AFF3: variants seen among roughly 807,000 people sequenced by gnomAD.
The protein encoded by AFF3 is AF4/FMR2 family member 3.
In AFF3, 32 loss-of-function variants were observed where a neutral mutation model predicts 129.7. The ratio of observed to expected loss-of-function variants is 0.25; its 90% CI spans 0.19 to 0.33. The LOEUF is 0.33. AFF3 is among the 10% of genes least tolerant of loss of function. The pLI is 1.00. For synonymous variants in AFF3, 644 were observed against 635.4 expected (o/e 1.01, Z -0.20); for missense variants, 1,373 against 1,592.0 (o/e 0.86, Z 2.34).
intron 13 of AFF3, among the ~76,000 whole-genome samples, chr2:99,623,156 T>A (rs1682203740): frequency 6.6e-6 from 1 of 150,806 alleles, no homozygotes; most frequent in East Asian, 1.9e-4. Flanking sequence ...TGGTTCTTTT[T>A]TTTTTTTTTT....
intron 11 of AFF3, among the ~76,000 whole-genome samples, chr2:99,689,218 A>G (rs891617728): frequency 4.0e-5 from 6 of 148,942 alleles, no homozygotes; most frequent in East Asian, 2.0e-4. Context: ...CAGTCCCCCT[A>G]TGATTTAAAT....
intron 12 of AFF3, among the ~76,000 whole-genome samples, chr2:99,655,213 TACACACACACACACACACACAC>T (rs59646108): frequency 7.1e-4 from 93 of 130,360 alleles, no homozygotes; most frequent in African/African-American, 2.2e-3. Context: ...CATGAAAAGC[TACACACACACACACACACACAC>T]ACACACACAC....
At chr2:99,947,649 T>C (rs797011501) in intron 7 of AFF3, among the ~76,000 whole-genome samples, 29,175 of 118,286 alleles carry the variant, frequency 0.25, 3,768 homozygotes, top group African/African-American at 0.4. Context: ...GATAGATAGA[T>C]AGATAGACAG....
intron 8 of AFF3, among the ~76,000 whole-genome samples, chr2:99,792,079 G>A (rs1685235774): frequency 6.6e-6 from 1 of 152,124 alleles, no homozygotes; most frequent in Admixed American, 6.5e-5. Flanking sequence ...CTGATTGGCT[G>A]ATGTGTGATC....
Position 99,550,260 on chromosome 2 carries a change from G to A in AFF3, c.*1214C>T, listed in dbSNP as rs1371130446. On this transcript the variant is annotated 3_prime_UTR_variant, in exon 25 of 25. Transcript: ENST00000672756. Reference sequence around the variant, plus strand: ...CCAGACACACAGGACACAGGAAGAGGCTCTGGTTGCTGCTGCCCCAGAAAG... The same window carrying A: ...CCAGACACACAGGACACAGGAAGAGACTCTGGTTGCTGCTGCCCCAGAAAG... 2.2e-5 allele frequency: 5 copies of A among 231,086 alleles called. No individual in the cohort carries two copies. Among genetic ancestry groups the A allele is most frequent in the Non-Finnish European group, 4.3e-5 (5 of 116,712 alleles). 14.3% of individuals were successfully genotyped at this position (231,086 alleles called of 1,614,324 possible).
chr2:100,136,159 G>A (rs1354890557), intron 1 of AFF3, among the ~76,000 whole-genome samples: 3 of 152,226 alleles, frequency 2.0e-5, no homozygotes. Context: ...AGTGTTGTGC[G>A]AGAGCTGGGT....
chr2:99,630,988 T>C, intron 13 of AFF3: 1 of 461,054 alleles, frequency 2.2e-6, no homozygotes, highest in Non-Finnish European at 4.5e-6. Flanking sequence ...AGGAGGGCAT[T>C]TCAGAAGGAA....
chr2:100,007,512 G>A (rs766352229), intron 5 of AFF3, 52 bp from the exon 6 acceptor site: 127 of 1,508,872 alleles, frequency 8.4e-5, no homozygotes, highest in Non-Finnish European at 1.1e-4. Context: ...CAGAAACACC[G>A]GAGATAATCA....
rs1475969366 is a variant in AFF3, at chr2:99,966,606, C to T, written c.873+40026G>A. On this transcript the variant is annotated intron_variant, in intron 7 of 24. Coordinates refer to ENST00000672756, the MANE Select transcript of AFF3 (RefSeq NM_001386135.1). The stretch of plus-strand genomic sequence containing the variant: ...TTGGGAGGCTGAGGCAGGAGAATGG[C>T]GTGAACCCGGGAGGCGGAGCTTGCA... Among the ~76,000 whole-genome samples the T allele has an allele frequency of 9.2e-5, 12 of 130,372 alleles. 1 individual carries two copies. The South Asian group carries it at 1.1e-3, about 12-fold the overall frequency. 85.5% of individuals were successfully genotyped at this position (130,372 alleles called of 152,430 possible).
chr2:99,871,327 C>T (rs970086548), intron 7 of AFF3, among the ~76,000 whole-genome samples: 4 of 152,168 alleles, frequency 2.6e-5, no homozygotes, highest in Admixed American at 1.3e-4. Flanking sequence ...AGCAAAGTGC[C>T]TGGCATCTAC....
chr2:99,773,544 T>C (rs922531521), intron 8 of AFF3, among the ~76,000 whole-genome samples: 1 of 119,800 alleles, frequency 8.3e-6, no homozygotes, highest in African/African-American at 3.3e-5. Context: ...GTGGTGGGGG[T>C]GGAGGTTGGT....
chr2:99,980,532 G>T (rs1679310661), intron 7 of AFF3, among the ~76,000 whole-genome samples: 1 of 152,210 alleles, frequency 6.6e-6, no homozygotes, highest in Non-Finnish European at 1.5e-5. Flanking sequence ...TTGATTTGTG[G>T]CAACTGCTTT....
At chr2:99,832,855 G>T (rs1688605050) in intron 8 of AFF3, among the ~76,000 whole-genome samples, 1 of 152,094 alleles carries the variant, frequency 6.6e-6, no homozygotes, top group Admixed American at 6.6e-5. Flanking sequence ...GTTACACCTG[G>T]ATTGATTTTG....
rs565417705 is a variant in AFF3, at chr2:99,674,493, AG to A, written c.1092-1905del. On this transcript the variant is annotated intron_variant, in intron 11 of 24. Coordinates refer to ENST00000672756, the MANE Select transcript of AFF3 (RefSeq NM_001386135.1). ...AGATTTCTTCCTAATGAAAAAGACC[AG>A]AGAAGGGGACAGGTCCTTGCCTCCA... Among the ~76,000 whole-genome samples the A allele has an allele frequency of 9.4e-4, 143 of 152,284 alleles. 1 individual carries two copies. Among genetic ancestry groups the A allele is most frequent in the African/African-American group, 3.2e-3 (135 of 41,560 alleles).
intron 7 of AFF3, among the ~76,000 whole-genome samples, chr2:99,931,490 TG>T (rs1229078456): frequency 3.9e-5 from 6 of 152,286 alleles, no homozygotes; most frequent in Admixed American, 3.3e-4. Flanking sequence ...AGGGCCCTGG[TG>T]TTGAGGTGTT....
rs573309944 is a variant in AFF3 at position 99,732,671 on chromosome 2, A to ATCATTGT, written c.1040-5544_1040-5543insACAATGA. On this transcript the variant is annotated intron_variant, in intron 10 of 24. Transcript: ENST00000672756. ...CCTGATGGACATTTAGATTTTTGCC[A>ATCATTGT]TCATGAACAATAGAACTGCAAACAT... 1.5e-3 allele frequency among the ~76,000 whole-genome samples: 225 copies of ATCATTGT among 152,276 alleles called. 1 individual carries two copies. The highest frequency in any genetic ancestry group is 5.2e-3 in the African/African-American group (218 of 41,552).
At chr2:99,993,330 T>C (rs1286402275) in intron 7 of AFF3, among the ~76,000 whole-genome samples, 4 of 152,188 alleles carry the variant, frequency 2.6e-5, no homozygotes, top group East Asian at 3.8e-4. Flanking sequence ...CAAAGAAAAG[T>C]TTAATTTCTA....
chr2:99,664,525 G>A (rs1014304599), intron 12 of AFF3, among the ~76,000 whole-genome samples: 1 of 152,160 alleles, frequency 6.6e-6, no homozygotes, highest in Non-Finnish European at 1.5e-5. Context: ...TCGGATAAAT[G>A]CCTTTTTTCT....
chr2:99,764,681 C>A (rs1682868709), intron 8 of AFF3, among the ~76,000 whole-genome samples: 1 of 151,840 alleles, frequency 6.6e-6, no homozygotes, highest in African/African-American at 2.4e-5. Context: ...TTAAAATATT[C>A]AAAGTAGTAA....
Sources: allele counts gnomAD v4.1 joint callset (sites outside exome capture counted in the v4.1 genomes callset), GRCh38; gene constraint gnomAD v4.1.1; transcripts MANE v1.5; gene names NCBI Gene and HGNC (gene_info 2026-07-23, HGNC 2026-07-21).